The following NRG1 variants were observed in gnomAD, a reference collection of about 807,000 sequenced individuals.
NRG1 encodes pro-neuregulin-1, membrane-bound isoform.
In NRG1, 18 loss-of-function variants were observed where a neutral mutation model predicts 63.8. The observed-to-expected ratio is 0.28, with a 90% CI of 0.19 to 0.42. The LOEUF is 0.42. Ranked by LOEUF, NRG1 falls within the 10% of genes least tolerant of loss-of-function variation. NRG1 has a pLI of 1.00. For synonymous variants in NRG1, 302 were observed against 301.3 expected, an observed-to-expected ratio of 1.00 and a Z score of -0.02; for missense variants, 762 against 814.7, an observed-to-expected ratio of 0.94 and a Z score of 0.79.
intron 1 of NRG1, among the ~76,000 whole-genome samples, chr8:32,337,349 G>T (rs1236194627): frequency 6.6e-6 from 1 of 152,082 alleles, no homozygotes; most frequent in Non-Finnish European, 1.5e-5. Flanking sequence ...TGAATGACCA[G>T]GTGGGGTAGC....
At chr8:32,765,251 A>G (rs1831333775) in exon 12 of NRG1, 1 of 152,126 alleles carries the variant, frequency 6.6e-6, no homozygotes, top group Non-Finnish European at 1.5e-5. Context: ...CTAGTTGACA[A>G]TCAAAACACG....
chr8:32,399,019 C>A (rs1025704920), intron 1 of NRG1, among the ~76,000 whole-genome samples: 1 of 152,004 alleles, frequency 6.6e-6, no homozygotes, highest in African/African-American at 2.4e-5. Flanking sequence ...TACGAATGTA[C>A]AAAAATAAAA....
At chr8:32,190,894 G>T (rs192562984) in intron 1 of NRG1, among the ~76,000 whole-genome samples, 1 of 152,148 alleles carries the variant, frequency 6.6e-6, no homozygotes, top group Non-Finnish European at 1.5e-5. Flanking sequence ...TAATAGGGGA[G>T]AGTTGAGTTT....
At chr8:32,465,627 AT>A (rs1822959185) in intron 1 of NRG1, among the ~76,000 whole-genome samples, 1 of 152,192 alleles carries the variant, frequency 6.6e-6, no homozygotes, top group Admixed American at 6.5e-5. Context: ...ATGTATTAAA[AT>A]TTTCAAAAAC....
chr8:31,968,881 G>A (rs2129628209), intron 1 of NRG1, among the ~76,000 whole-genome samples: 1 of 152,270 alleles, frequency 6.6e-6, no homozygotes. Context: ...CCAATTACAG[G>A]CCTATACTAT....
intron 1 of NRG1, among the ~76,000 whole-genome samples, chr8:31,649,658 G>T (rs1370057589): frequency 2.0e-5 from 3 of 152,094 alleles, no homozygotes; most frequent in African/African-American, 7.2e-5. Context: ...TAGAAATAAA[G>T]AATTGAGTAA....
At chr8:32,103,093 T>C (rs1400539307) in intron 1 of NRG1, among the ~76,000 whole-genome samples, 1 of 152,194 alleles carries the variant, frequency 6.6e-6, no homozygotes, top group Non-Finnish European at 1.5e-5. Context: ...ATACATTATT[T>C]TGGCTATAGT....
intron 1 of NRG1, among the ~76,000 whole-genome samples, chr8:32,342,416 T>C (rs569271784): frequency 1.3e-5 from 2 of 152,326 alleles, no homozygotes; most frequent in African/African-American, 4.8e-5. Flanking sequence ...CTAGTCTAAG[T>C]CTTTTGCAAG....
chr8:32,666,885 C>T (rs1804318793), intron 5 of NRG1, among the ~76,000 whole-genome samples: 1 of 152,210 alleles, frequency 6.6e-6, no homozygotes, highest in Admixed American at 6.5e-5. Flanking sequence ...ATGTGACTGG[C>T]TTATTTCACT....
intron 1 of NRG1, among the ~76,000 whole-genome samples, chr8:31,705,670 A>G (rs1338872661): frequency 6.6e-6 from 1 of 152,084 alleles, no homozygotes; most frequent in African/African-American, 2.4e-5. Context: ...CTGCATTCCT[A>G]TTCTTGGCTT....
intron 1 of NRG1, among the ~76,000 whole-genome samples, chr8:32,372,267 G>A (rs1427327574): frequency 6.6e-6 from 1 of 151,720 alleles, no homozygotes; most frequent in Non-Finnish European, 1.5e-5. Context: ...TGGGATTACG[G>A]GTGTGACCCA....
intron 1 of NRG1, among the ~76,000 whole-genome samples, chr8:32,432,530 T>A (rs1330451169): frequency 6.6e-6 from 1 of 152,184 alleles, no homozygotes; most frequent in Non-Finnish European, 1.5e-5. Flanking sequence ...ATTATTATTT[T>A]TGAGACAGAG....
intron 1 of NRG1, among the ~76,000 whole-genome samples, chr8:31,705,591 A>C (rs1036839454): frequency 8.5e-5 from 13 of 152,196 alleles, no homozygotes; most frequent in African/African-American, 2.9e-4. Flanking sequence ...TATTTTGATG[A>C]ATAAAATCAT....
chr8:32,648,765 T>C (rs1433794071), intron 5 of NRG1, among the ~76,000 whole-genome samples: 1 of 152,206 alleles, frequency 6.6e-6, no homozygotes, highest in African/African-American at 2.4e-5. Context: ...CAGTGAGTAT[T>C]ATTTTGTGTC....
At chr8:32,108,898 A>G (rs981320457) in intron 1 of NRG1, among the ~76,000 whole-genome samples, 3 of 152,184 alleles carry the variant, frequency 2.0e-5, no homozygotes, top group African/African-American at 7.2e-5. Flanking sequence ...GCAGAACCGT[A>G]AGATAATAAA....
chr8:31,695,414 C>G (rs1439844802), intron 1 of NRG1, among the ~76,000 whole-genome samples: 2 of 152,198 alleles, frequency 1.3e-5, no homozygotes, highest in African/African-American at 4.8e-5. Flanking sequence ...AAGTGATCTG[C>G]CTGCAGTGGC....
At chr8:31,764,106 ATTTTC>A (rs776202185) in intron 1 of NRG1, among the ~76,000 whole-genome samples, 47 of 151,366 alleles carry the variant, frequency 3.1e-4, no homozygotes, top group Non-Finnish European at 5.7e-4. Flanking sequence ...TGTACATGTT[ATTTTC>A]TTTTCTGAGA....
chr8:32,485,890 C>A (rs1446149261), intron 1 of NRG1, among the ~76,000 whole-genome samples: 2 of 152,162 alleles, frequency 1.3e-5, no homozygotes, highest in African/African-American at 4.8e-5. Context: ...ATGAGCCTTG[C>A]AAATTATATT....
intron 1 of NRG1, among the ~76,000 whole-genome samples, chr8:31,724,792 A>C (rs1359376121): frequency 6.6e-6 from 1 of 152,094 alleles, no homozygotes; most frequent in Non-Finnish European, 1.5e-5. Flanking sequence ...AATACCCTCC[A>C]CTTTGTTGGA....
Sources: allele counts gnomAD v4.1 joint callset (sites outside exome capture counted in the v4.1 genomes callset), GRCh38; gene constraint gnomAD v4.1.1; transcripts MANE v1.5; gene names NCBI Gene and HGNC (gene_info 2026-07-23, HGNC 2026-07-21).